OSBPL5: variants seen among roughly 807,000 people sequenced by gnomAD.
The protein encoded by OSBPL5 is oxysterol binding protein like 5, also known as oxysterol-binding protein-related protein 5.
In OSBPL5, 71 loss-of-function variants were observed where a neutral mutation model predicts 111.2. That is an observed-to-expected ratio of 0.64 (90% confidence interval 0.53 to 0.78). The LOEUF (loss-of-function observed/expected upper bound fraction) is 0.78, where lower values mean the gene tolerates loss of function less well. Ranked by LOEUF, OSBPL5 falls within the 30% of genes least tolerant of loss-of-function variation. The pLI, the probability that OSBPL5 is intolerant of heterozygous loss-of-function variation, is 0.00. For missense variants in OSBPL5, 1,210 were observed against 1,189.3 expected (o/e 1.02, Z -0.26); for synonymous variants, 549 against 513.9 (o/e 1.07, Z -0.93).
rs1858424535 is a variant in OSBPL5 at position 3,121,744 on chromosome 11, C to T, written c.402+253G>A. ...TATTCGGAAATGGGGTCTTTGCAGA[C>T]ATAATCAGGTGAAGATGGGGCTACA... On this transcript the variant is annotated intron_variant, in intron 5 of 21. Transcript: ENST00000263650. This position sits in a 1 kb window ranked among gnomAD's most constrained non-coding sequence, Gnocchi z 4.3. 1.9e-6 allele frequency: 1 copy of T among 536,170 alleles called. No individual in the cohort carries two copies. Among genetic ancestry groups the T allele is most frequent in the African/African-American group, 1.9e-5 (1 of 52,556 alleles). 33.2% of individuals were successfully genotyped at this position (536,170 alleles called of 1,614,324 possible).
At position 3,162,608 on chromosome 11, in the gene OSBPL5, G is replaced by A. The variant is rs1402407764; in HGVS notation, c.-22+2608C>T. 8.6e-5 allele frequency among the ~76,000 whole-genome samples: 13 copies of A among 151,932 alleles called. No homozygotes were observed. The highest frequency in any genetic ancestry group is 2.2e-4 in the African/African-American group (9 of 41,418). ...TCGACCGCCAACCCTACCACTCTCC[G>A]GAGCAGCTTCACTATCTGCCCATAC... is the stretch of plus-strand genomic sequence containing the variant. On this transcript the variant is annotated intron_variant, in intron 1 of 21. Transcript: ENST00000263650. The surrounding 1 kb of genome is among the most constrained non-coding windows in gnomAD (Gnocchi z 8.1).
At chr11:3,122,537 G>A (rs1020617252) in intron 3 of OSBPL5, 109 bp from the exon 4 acceptor site, 51 of 963,720 alleles carry the variant, frequency 5.3e-5, no homozygotes, top group Admixed American at 1.5e-4. Context: ...AGAGAAGGGC[G>A]CTCCACTCGT....
At chr11:3,118,418 G>T (rs12287346) in intron 7 of OSBPL5, among the ~76,000 whole-genome samples, 32,537 of 152,044 alleles carry the variant, frequency 0.21, 3,650 homozygotes, top group Non-Finnish European at 0.23. Flanking sequence ...TTTCCAGACC[G>T]AACCAATGTT....
At chr11:3,112,811 A>G (rs1564838503) in intron 7 of OSBPL5, among the ~76,000 whole-genome samples, 2 of 152,058 alleles carry the variant, frequency 1.3e-5, no homozygotes, top group African/African-American at 4.8e-5. Flanking sequence ...GCACCACCAG[A>G]CTTTTTCTCT....
At chr11:3,096,197 A>G (rs1017232933) in intron 14 of OSBPL5, among the ~76,000 whole-genome samples, 2 of 152,260 alleles carry the variant, frequency 1.3e-5, no homozygotes, top group African/African-American at 4.8e-5. Context: ...GCCAACTGTC[A>G]CGTGTGTGGG....
At chr11:3,158,906 G>A (rs1411407369) in intron 1 of OSBPL5, among the ~76,000 whole-genome samples, 1 of 152,220 alleles carries the variant, frequency 6.6e-6, no homozygotes, top group Non-Finnish European at 1.5e-5. Context: ...TTCCTGCCGG[G>A]GTGTTGCCCG....
intron 1 of OSBPL5, among the ~76,000 whole-genome samples, chr11:3,155,443 T>G (rs1388453872): frequency 1.3e-5 from 2 of 151,330 alleles, no homozygotes; most frequent in African/African-American, 4.9e-5. Flanking sequence ...TCACCCCAGC[T>G]CTGCCACTCA....
chr11:3,107,051 G>A lies in OSBPL5; in HGVS notation c.1059+212C>T, dbSNP rs924939603. ...GATCCCCGCATCTGCATGCCAGCCA[G>A]CCAGCCAGCCAGCGGGGCAGCCTCT... On this transcript the variant is annotated intron_variant, in intron 9 of 21. Coordinates refer to ENST00000263650, the MANE Select transcript of OSBPL5 (RefSeq NM_020896.4). This position sits in a 1 kb window ranked among gnomAD's most constrained non-coding sequence, Gnocchi z 6.1. Among the ~76,000 whole-genome samples the A allele has an allele frequency of 6.6e-6, 1 of 152,148 alleles. No individual in the cohort carries two copies. Among genetic ancestry groups the A allele is most frequent in the African/African-American group, 2.4e-5 (1 of 41,432 alleles).
At chr11:3,096,204 T>A (rs1158900832) in intron 14 of OSBPL5, among the ~76,000 whole-genome samples, 2 of 152,108 alleles carry the variant, frequency 1.3e-5, no homozygotes, top group Non-Finnish European at 2.9e-5. Context: ...GTCACGTGTG[T>A]GGGGGATCAA....
rs994175382 is a variant in OSBPL5 at position 3,158,433 on chromosome 11, G to A, written c.-22+6783C>T. Among the ~76,000 whole-genome samples the A allele has an allele frequency of 7.9e-5, 12 of 152,258 alleles. No homozygotes were observed. In the East Asian group the frequency reaches 1.2e-3, roughly 15 times the overall value. On this transcript the variant is annotated intron_variant, in intron 1 of 21. Transcript: ENST00000263650. ...TGCCCACACTGGCACCTGCTTTTCC[G>A]ACCTGCAGAGAGCTCTTCCTGTCCT...
intron 1 of OSBPL5, among the ~76,000 whole-genome samples, chr11:3,155,195 A>G (rs1846715770): frequency 6.6e-6 from 1 of 152,228 alleles, no homozygotes; most frequent in Non-Finnish European, 1.5e-5. Flanking sequence ...AAACCCCAGC[A>G]AGCTCACACA....
At chr11:3,088,638 A>G (rs551303831) in intron 21 of OSBPL5, among the ~76,000 whole-genome samples, 1 of 152,258 alleles carries the variant, frequency 6.6e-6, no homozygotes, top group African/African-American at 2.4e-5. Flanking sequence ...GTTATGGCTG[A>G]GTCATGCCTC....
chr11:3,136,969 G>A (rs1268414328), intron 1 of OSBPL5, among the ~76,000 whole-genome samples: 1 of 152,244 alleles, frequency 6.6e-6, no homozygotes, highest in African/African-American at 2.4e-5. Flanking sequence ...CAAGGATAAA[G>A]GAACATAAGC....
At position 3,092,890 on chromosome 11, in the gene OSBPL5, C is replaced by G; in HGVS notation, c.2109G>C (p.Gln703His). The change falls in exon 18 of 22, where the codon CAG (glutamine) becomes CAC (histidine). Residue 703 changes from glutamine to histidine, a missense_variant. Physicochemically the swap from Gln to His is conservative, Grantham distance 24 (BLOSUM62 0). Coordinates refer to ENST00000263650, the MANE Select transcript of OSBPL5 (RefSeq NM_020896.4). This position sits in a 1 kb window ranked among gnomAD's most constrained non-coding sequence, Gnocchi z 5.4. The part of the protein sequence containing the change: ...PQLFHLDPIT[Q>H]EWHYRYEDHS... ...ACTCCTCGTATCGGTAGTGCCACTC[C>G]TGGGTGATGGGGTCCAGGTGGAACA... 1 of 1,555,260 alleles carries G rather than the reference C, an allele frequency of 6.4e-7. No individual in the cohort carries two copies. Among genetic ancestry groups the G allele is most frequent in the South Asian group, 1.2e-5 (1 of 84,318 alleles).
rs141473758 is a variant in OSBPL5, at chr11:3,092,453, G to C, written c.2238C>G (p.Gly746=). Reference sequence around the variant, plus strand: ...TGACCTCGTGCCTGGGCCCTGGGCTGCCCAGGAAGGTGGTCTGGCGGGCCA... The same window carrying C: ...TGACCTCGTGCCTGGGCCCTGGGCTCCCCAGGAAGGTGGTCTGGCGGGCCA... ...EAVARQTTFL[G]SPGPRHERSG... Residue 746 remains glycine (G), a synonymous_variant, in exon 19 of 22, where the codon GGC becomes GGG. Coordinates refer to ENST00000263650, the MANE Select transcript of OSBPL5 (RefSeq NM_020896.4). The surrounding 1 kb of genome is among the most constrained non-coding windows in gnomAD (Gnocchi z 5.4). 18 of 1,580,492 alleles carry C rather than the reference G, an allele frequency of 1.1e-5. No individual in the cohort carries two copies. Among genetic ancestry groups the C allele is most frequent in the Non-Finnish European group, 1.5e-5 (17 of 1,163,692 alleles).
At chr11:3,145,294 C>T (rs1846304749) in intron 1 of OSBPL5, among the ~76,000 whole-genome samples, 1 of 152,212 alleles carries the variant, frequency 6.6e-6, no homozygotes, top group African/African-American at 2.4e-5. Context: ...AGCCTGGGGC[C>T]CTGCCCCTCC....
At chr11:3,114,700 G>A (rs1346745850) in intron 7 of OSBPL5, among the ~76,000 whole-genome samples, 5 of 142,142 alleles carry the variant, frequency 3.5e-5, no homozygotes, top group Non-Finnish European at 6.0e-5. Context: ...CTGGGTTCAC[G>A]CCATTCTCCT....
intron 2 of OSBPL5, among the ~76,000 whole-genome samples, chr11:3,127,484 G>A (rs529849198): frequency 6.6e-6 from 1 of 152,184 alleles, no homozygotes. Flanking sequence ...AAGTGGTTCT[G>A]TCCAAAGGTC....
At chr11:3,149,709 G>A (rs1012877906) in intron 1 of OSBPL5, among the ~76,000 whole-genome samples, 3 of 152,156 alleles carry the variant, frequency 2.0e-5, no homozygotes, top group African/African-American at 4.8e-5. Context: ...AGGCCCCTGC[G>A]CCCTGTCCCT....
Sources: allele counts gnomAD v4.1 joint callset (sites outside exome capture counted in the v4.1 genomes callset), GRCh38; gene constraint gnomAD v4.1.1; non-coding constraint Gnocchi (gnomAD v3.1); transcripts MANE v1.5; gene names NCBI Gene and HGNC (gene_info 2026-07-23, HGNC 2026-07-21).